Variants in NRP1 observed in about 807,000 individuals in gnomAD.
NRP1 encodes neuropilin 1.
Under a neutral mutation model 106.7 loss-of-function variants are expected in NRP1, and 35 were observed. That is an observed-to-expected ratio of 0.33 (90% CI 0.25 to 0.43). The LOEUF is 0.43. Ranked by LOEUF, NRP1 falls within the 20% of genes least tolerant of loss-of-function variation. The probability of loss-of-function intolerance (pLI) is 1.00; values close to 1 mark genes in which losing one functional copy is unlikely to be tolerated. For missense variants in NRP1, 1,024 were observed against 1,170.4 expected (o/e 0.87, Z 1.83); for synonymous variants, 437 against 417.9 (o/e 1.05, Z -0.56).
rs143988888 is a variant in NRP1, at chr10:33,180,191, T to G, written c.2657A>C (p.Asn886Thr). 2.2e-5 allele frequency: 35 copies of G among 1,614,044 alleles called. No individual in the cohort carries two copies. In the African/African-American group the frequency reaches 4.7e-4, roughly 22 times the overall value. Residue 886 changes from asparagine to threonine, a missense_variant, in exon 17 of 17, where the codon AAT becomes ACT. Asn to Thr is a moderately conservative substitution (Grantham distance 65). This residue lies in a region of NRP1 where 164 missense variants were observed against 161.4 expected (regional missense o/e 1.02). Transcript: ENST00000374867. ...GVVLYCACWH[N>T]GMSERNLSAL... is the part of the protein sequence containing the mutation. The stretch of plus-strand genomic sequence containing the variant: ...AGACAAGTTTCTTTCTGACATCCCA[T>G]TATGCCAACAGGCACAGTACAGCAC...
intron 3 of NRP1, among the ~76,000 whole-genome samples, chr10:33,269,120 A>G (rs1265410021): frequency 1.3e-5 from 2 of 152,082 alleles, no homozygotes; most frequent in Non-Finnish European, 2.9e-5. Context: ...AATACATTCA[A>G]ATCTTGATCC....
chr10:33,325,525 G>C (rs1338976619), intron 2 of NRP1, among the ~76,000 whole-genome samples: 1 of 152,148 alleles, frequency 6.6e-6, no homozygotes, highest in East Asian at 1.9e-4. Flanking sequence ...AAATGTGCAG[G>C]AATAAATGTA....
chr10:33,263,146 C>T (rs1842687197), intron 4 of NRP1, among the ~76,000 whole-genome samples: 1 of 152,202 alleles, frequency 6.6e-6, no homozygotes, highest in Non-Finnish European at 1.5e-5. Context: ...ATTCTCGTTC[C>T]TTTTCCAAAT....
Position 33,263,645 on chromosome 10 carries a change from C to G in NRP1, c.658+1G>C. On this transcript the variant is annotated splice_donor_variant, in intron 4 of 16. Transcript: ENST00000374867. LOFTEE classifies it high-confidence loss of function. Reference sequence around the variant, plus strand: ...TTTGGGGTGCTTCCTGTCATTCTTACCATCAGGGAATCCATCCCAGATTTC... The same window carrying G: ...TTTGGGGTGCTTCCTGTCATTCTTAGCATCAGGGAATCCATCCCAGATTTC... 4 of 1,611,126 alleles carry G rather than the reference C, an allele frequency of 2.5e-6. No individual in the cohort carries two copies. Among genetic ancestry groups the G allele is most frequent in the Non-Finnish European group, 3.4e-6 (4 of 1,177,338 alleles).
chr10:33,255,070 G>A (rs907690062), intron 5 of NRP1, among the ~76,000 whole-genome samples: 1 of 152,134 alleles, frequency 6.6e-6, no homozygotes, highest in African/African-American at 2.4e-5. Flanking sequence ...GTGAAAAAAA[G>A]CTTTAGAGAT....
At chr10:33,286,915 A>G (rs1844609660) in intron 2 of NRP1, among the ~76,000 whole-genome samples, 1 of 152,190 alleles carries the variant, frequency 6.6e-6, no homozygotes, top group Admixed American at 6.5e-5. Context: ...TCATTGATTC[A>G]GGAGACCTTT....
chr10:33,235,940 C>G (rs1057203530), intron 6 of NRP1, among the ~76,000 whole-genome samples: 2 of 152,106 alleles, frequency 1.3e-5, no homozygotes, highest in Non-Finnish European at 2.9e-5. Flanking sequence ...AGATGAATAC[C>G]TTGGAAACCT....
intron 11 of NRP1, among the ~76,000 whole-genome samples, chr10:33,199,208 T>C (rs1406122016): frequency 6.6e-6 from 1 of 151,114 alleles, no homozygotes; most frequent in Non-Finnish European, 1.5e-5. Flanking sequence ...TTGAAATCTG[T>C]ATTTTTTTGA....
chr10:33,200,003 A>G (rs1256451150), intron 11 of NRP1, among the ~76,000 whole-genome samples: 4 of 152,212 alleles, frequency 2.6e-5, no homozygotes, highest in Admixed American at 6.5e-5. Flanking sequence ...CCCAGCAAAT[A>G]TGCTGGATGA....
intron 9 of NRP1, among the ~76,000 whole-genome samples, chr10:33,208,285 G>A (rs1266478058): frequency 6.6e-6 from 1 of 152,102 alleles, no homozygotes; most frequent in African/African-American, 2.4e-5. Flanking sequence ...GCACCTGGCT[G>A]CAAATGATCC....
intron 2 of NRP1, among the ~76,000 whole-genome samples, chr10:33,285,458 T>A (rs1844452573): frequency 6.6e-6 from 1 of 152,152 alleles, no homozygotes; most frequent in African/African-American, 2.4e-5. Flanking sequence ...ATTTTCTAGG[T>A]GATGATGAGA....
At chr10:33,202,566 T>TGGGGGG in intron 11 of NRP1, 3 of 1,245,310 alleles carry the variant, frequency 2.4e-6, no homozygotes, top group South Asian at 1.7e-5. Context: ...GCACGTGTTA[T>TGGGGGG]TGGGGGGGGG....
rs35895871 is a variant in NRP1, at chr10:33,220,900, CAAAAA to C, written c.1282+814_1282+818del. On this transcript the variant is annotated intron_variant, in intron 8 of 16. Coordinates refer to ENST00000374867, the MANE Select transcript of NRP1 (RefSeq NM_003873.7). ...TGGGTGACAGAGCAAGGCTCAGTCT[CAAAAA>C]AAAAAAAAAAAAAAAAAAGAAAAAC... Among the ~76,000 whole-genome samples the C allele has an allele frequency of 6.6e-5, 4 of 60,662 alleles. No homozygotes were observed. In the East Asian group the frequency reaches 1.8e-3, roughly 28 times the overall value. The allele number at this position is 60,662 out of a possible 152,430, so 39.8% of individuals were successfully genotyped here.
At chr10:33,327,896 A>G (rs528765747) in intron 2 of NRP1, among the ~76,000 whole-genome samples, 84 of 152,270 alleles carry the variant, frequency 5.5e-4, no homozygotes, top group Middle Eastern at 3.4e-3. Context: ...AAAAGCTCAC[A>G]ATGCAACACT....
At chr10:33,202,496 C>A in intron 11 of NRP1, 4 of 1,069,514 alleles carry the variant, frequency 3.7e-6, no homozygotes, top group Non-Finnish European at 3.8e-6. Flanking sequence ...CTCAAAAAAA[C>A]TTGTCCTCAT....
intron 2 of NRP1, among the ~76,000 whole-genome samples, chr10:33,308,318 A>G (rs1393903971): frequency 6.6e-6 from 1 of 151,338 alleles, no homozygotes; most frequent in Non-Finnish European, 1.5e-5. Flanking sequence ...GTGACATGCA[A>G]TTTACCAATA....
chr10:33,289,173 T>G (rs1844801557), intron 2 of NRP1, among the ~76,000 whole-genome samples: 1 of 152,150 alleles, frequency 6.6e-6, no homozygotes. Context: ...TTTCAGACAT[T>G]TTTTTCTACA....
intron 16 of NRP1, 40 bp downstream of exon 16, chr10:33,182,658 A>G (rs1835759439): frequency 2.2e-6 from 3 of 1,368,958 alleles, no homozygotes; most frequent in East Asian, 2.3e-5. Flanking sequence ...TGAAAGCCAT[A>G]GTAAAATTTT....
intron 6 of NRP1, among the ~76,000 whole-genome samples, chr10:33,234,302 G>A (rs1230513099): frequency 1.3e-5 from 2 of 152,136 alleles, no homozygotes; most frequent in African/African-American, 4.8e-5. Flanking sequence ...ACTTACCAGT[G>A]TTTGACCCAG....
Sources: allele counts gnomAD v4.1 joint callset (sites outside exome capture counted in the v4.1 genomes callset), GRCh38; gene constraint gnomAD v4.1.1; regional missense constraint gnomAD v4.1.1; transcripts MANE v1.5; gene names NCBI Gene and HGNC (gene_info 2026-07-23, HGNC 2026-07-21).